The following MARS1 variants were observed in gnomAD, a reference collection of about 807,000 sequenced individuals.
MARS1 encodes the protein methionine--tRNA ligase, cytoplasmic.
Under a neutral mutation model 119.5 loss-of-function variants are expected in MARS1, and 80 were observed. The observed-to-expected ratio is 0.67, with a 90% CI of 0.56 to 0.81. The LOEUF (loss-of-function observed/expected upper bound fraction) is 0.81. MARS1 is among the 30% of genes least tolerant of loss of function. The probability of loss-of-function intolerance (pLI) is 0.00; values close to 1 mark genes in which losing one functional copy is unlikely to be tolerated. For synonymous variants in MARS1, 418 were observed against 433.4 expected, an observed-to-expected ratio of 0.96 and a Z score of 0.44; for missense variants, 945 against 1,116.5, an observed-to-expected ratio of 0.85 and a Z score of 2.19.
rs531771475 is a variant in MARS1 at position 57,513,393 on chromosome 12, A to G, written c.1967+429A>G. Among the ~76,000 whole-genome samples, 3 of 152,110 alleles carry G rather than the reference A, an allele frequency of 2.0e-5. No individual in the cohort carries two copies. The East Asian group carries it at 5.8e-4, about 29-fold the overall frequency. On this transcript the variant is annotated intron_variant, in intron 15 of 20. Coordinates refer to ENST00000262027, the MANE Select transcript of MARS1 (RefSeq NM_004990.4). ...CAGCACTTTGGGAGGCTGAGGCAGG[A>G]GGATCACTTGAGGCCGGGAGTTCAA... is the stretch of plus-strand genomic sequence containing the variant.
intron 1 of MARS1, 106 bp downstream of exon 1, chr12:57,488,305 C>A: frequency 3.0e-6 from 3 of 1,009,650 alleles, no homozygotes; most frequent in East Asian, 4.9e-5. Flanking sequence ...CCACACACCC[C>A]AATCGACCAC....
intron 15 of MARS1, 40 bp downstream of exon 15, chr12:57,513,004 G>T: frequency 6.4e-7 from 1 of 1,551,042 alleles, no homozygotes; most frequent in Non-Finnish European, 8.9e-7. Flanking sequence ...AGTGAGCTGG[G>T]GTGGGGCTCA....
Position 57,490,270 on chromosome 12 carries a change from C to G in MARS1, c.554C>G (p.Ala185Gly), listed in dbSNP as rs1565637585. Residue 185 changes from alanine (A) to glycine (G), a missense_variant, in exon 6 of 21, where the codon GCT becomes GGT. Transcript: ENST00000262027. ...TLSTQEPCQR[A>G]AETVLKQQGV... ...AGTACCCAGGAACCATGTCAGCGAG[C>G]TGCAGAGACTGTACTGAAACAGCAA... 2 of 1,613,650 alleles carry G rather than the reference C, an allele frequency of 1.2e-6. No homozygotes were observed. The highest frequency in any genetic ancestry group is 1.7e-6 in the Non-Finnish European group (2 of 1,180,040).
At chr12:57,492,276 CAAA>C (rs1052995609) in intron 7 of MARS1, among the ~76,000 whole-genome samples, 5 of 55,494 alleles carry the variant, frequency 9.0e-5, no homozygotes, top group Admixed American at 4.2e-4. Context: ...AAGACTGTCT[CAAA>C]AAAAAAAAAA....
chr12:57,514,938 C>A lies in MARS1; in HGVS notation c.2100-16C>A. The A allele has an allele frequency of 6.2e-7, 1 of 1,614,092 alleles. No homozygotes were observed. The highest frequency in any genetic ancestry group is 8.5e-7 in the Non-Finnish European group (1 of 1,179,936). The stretch of plus-strand genomic sequence containing the variant: ...CTGTAGGACATTACACCTTGGCCTG[C>A]TTCCTCCCTTCCCAGGATCCGGGAT... On this transcript the variant is annotated splice_polypyrimidine_tract_variant and intron_variant, in intron 16 of 20. Coordinates refer to ENST00000262027, the MANE Select transcript of MARS1 (RefSeq NM_004990.4).
chr12:57,509,319 C>T (rs1273485307), intron 11 of MARS1, among the ~76,000 whole-genome samples: 5 of 152,296 alleles, frequency 3.3e-5, no homozygotes, highest in Non-Finnish European at 5.9e-5. Flanking sequence ...GTATTAGATA[C>T]CAAAATCTAG....
chr12:57,495,808 G>A (rs972032245), intron 7 of MARS1, among the ~76,000 whole-genome samples: 6 of 152,222 alleles, frequency 3.9e-5, no homozygotes, highest in Non-Finnish European at 5.9e-5. Context: ...AGACCAGCCC[G>A]GCCAACACGG....
chr12:57,513,206 T>C (rs1054887207), intron 15 of MARS1, among the ~76,000 whole-genome samples: 2 of 152,180 alleles, frequency 1.3e-5, no homozygotes, highest in Non-Finnish European at 2.9e-5. Context: ...TTTTGTAAAT[T>C]GTTTCCTTAT....
chr12:57,496,164 A>G lies in MARS1; in HGVS notation c.771-1993A>G, dbSNP rs557575444. Among the ~76,000 whole-genome samples, 9 of 151,340 alleles carry G rather than the reference A, an allele frequency of 5.9e-5. No individual in the cohort carries two copies. The East Asian group carries it at 9.8e-4, about 16-fold the overall frequency. On this transcript the variant is annotated intron_variant, in intron 7 of 20. Transcript: ENST00000262027. ...CAGGCATGAGCCACTGCACCCGGCA[A>G]TATAAGCACTTTCTTTTTTTTTTTT...
intron 11 of MARS1, among the ~76,000 whole-genome samples, chr12:57,510,089 G>A (rs1345916385): frequency 1.3e-5 from 2 of 151,624 alleles, no homozygotes; most frequent in African/African-American, 4.8e-5. Flanking sequence ...ACAGCTCACC[G>A]CACTCTCAAA....
At chr12:57,502,740 A>C (rs1315140977) in intron 10 of MARS1, among the ~76,000 whole-genome samples, 1 of 150,802 alleles carries the variant, frequency 6.6e-6, no homozygotes, top group Non-Finnish European at 1.5e-5. Flanking sequence ...CAACAAAAAA[A>C]AAACAAGCCA....
chr12:57,514,449 C>T (rs1055067126), intron 15 of MARS1, among the ~76,000 whole-genome samples: 1 of 152,210 alleles, frequency 6.6e-6, no homozygotes, highest in African/African-American at 2.4e-5. Flanking sequence ...GCGTGAGCCA[C>T]TGCGCCCGGC....
chr12:57,510,621 AT>A (rs1031708549), intron 11 of MARS1, among the ~76,000 whole-genome samples: 7 of 147,592 alleles, frequency 4.7e-5, no homozygotes, highest in Middle Eastern at 3.7e-3. Context: ...AAAAAAGAAA[AT>A]TTTTTTTTTC....
intron 9 of MARS1, 32 bp downstream of exon 9, chr12:57,498,655 C>T: frequency 6.3e-7 from 1 of 1,598,400 alleles, no homozygotes; most frequent in Non-Finnish European, 8.6e-7. Flanking sequence ...AGAAATGGGG[C>T]TTGAAGGCTG....
intron 7 of MARS1, among the ~76,000 whole-genome samples, chr12:57,494,859 G>T (rs1393143974): frequency 6.6e-6 from 1 of 152,098 alleles, no homozygotes. Context: ...CAAGGCAGAA[G>T]AATTTTTCTT....
rs376782309 is a variant in MARS1, at chr12:57,516,479, C to A, written c.2601C>A (p.Asn867Lys). ...TGAAAGCACAAAAGGCAGACAAGAA[C>A]GAGGTTGCTGCGGAGGTGGCGAAAC... is the stretch of plus-strand genomic sequence containing the variant. ...RELKAQKADK[N>K]EVAAEVAKLL... The change falls in exon 21 of 21, where the codon AAC becomes AAA. Residue 867 changes from asparagine to lysine, a missense_variant. Asn to Lys is a moderately conservative substitution (Grantham distance 94). Transcript: ENST00000262027. The A allele has an allele frequency of 6.2e-7, 1 of 1,613,716 alleles. No homozygotes were observed. The highest frequency in any genetic ancestry group is 1.7e-5 in the Admixed American group (1 of 59,888).
intron 1 of MARS1, 92 bp downstream of exon 1, chr12:57,488,291 C>G: frequency 8.4e-7 from 1 of 1,192,922 alleles, no homozygotes; most frequent in Non-Finnish European, 1.2e-6. Flanking sequence ...ACCCCTAGCC[C>G]TCGCCACACA....
At chr12:57,503,071 CCT>C (rs1363451298) in intron 10 of MARS1, among the ~76,000 whole-genome samples, 1 of 152,048 alleles carries the variant, frequency 6.6e-6, no homozygotes, top group Non-Finnish European at 1.5e-5. Flanking sequence ...ACTACAAAGC[CCT>C]CTCTGAAAGA....
intron 11 of MARS1, among the ~76,000 whole-genome samples, chr12:57,508,383 G>A (rs1877334252): frequency 6.6e-6 from 1 of 152,270 alleles, no homozygotes; most frequent in Non-Finnish European, 1.5e-5. Context: ...TGAGCACTGA[G>A]TGAACGAGAC....
Sources: gnomAD v4.1 joint callset for allele counts (sites outside exome capture counted in the v4.1 genomes callset) on GRCh38, gnomAD v4.1.1 for gene constraint, MANE v1.5 for transcripts, NCBI Gene and HGNC (gene_info 2026-07-23, HGNC 2026-07-21) for gene names.